COL4A3: variants seen among roughly 807,000 people sequenced by gnomAD.
COL4A3 encodes collagen alpha-3(IV) chain.
A neutral mutation model predicts 217.4 loss-of-function variants in COL4A3; 135 were observed. The observed-to-expected ratio is 0.62, with a 90% confidence interval of 0.54 to 0.72. The LOEUF (loss-of-function observed/expected upper bound fraction) is 0.72, where lower values mean the gene tolerates loss of function less well. Among genes scored for constraint, COL4A3 ranks in the 30% least tolerant of loss-of-function variants. The pLI is 0.00. For synonymous variants in COL4A3, 690 were observed against 736.3 expected, an observed-to-expected ratio of 0.94 and a Z score of 1.02; for missense variants, 1,868 against 2,119.9, an observed-to-expected ratio of 0.88 and a Z score of 2.33.
At chr2:227,230,906 T>G (rs1481518990) in intron 1 of COL4A3, among the ~76,000 whole-genome samples, 1 of 152,152 alleles carries the variant, frequency 6.6e-6, no homozygotes, top group Non-Finnish European at 1.5e-5. Flanking sequence ...TGACTATAAT[T>G]TTGAGTTCAC....
rs1426893436 is a variant in COL4A3, at chr2:227,194,846, T to G, written c.87+30033T>G. On this transcript the variant is annotated intron_variant, in intron 1 of 51. Coordinates refer to ENST00000396578, the MANE Select transcript of COL4A3 (RefSeq NM_000091.5). ...AATCAAAGAAAAATAGAAACACCACTGATACACAAAATGAGAATATAGAAG... is the reference window on the plus strand; with the variant it reads ...AATCAAAGAAAAATAGAAACACCACGGATACACAAAATGAGAATATAGAAG... Among the ~76,000 whole-genome samples the G allele has an allele frequency of 1.2e-4, 18 of 152,076 alleles. 1 individual carries two copies. The South Asian group carries it at 3.7e-3, about 32-fold the overall frequency.
At chr2:227,299,524 T>C (rs1054556532) in intron 43 of COL4A3, among the ~76,000 whole-genome samples, 162 of 152,256 alleles carry the variant, frequency 1.1e-3, no homozygotes, top group African/African-American at 3.9e-3. Flanking sequence ...GTGGGGATTA[T>C]AGGAACTACA....
intron 28 of COL4A3, among the ~76,000 whole-genome samples, chr2:227,277,861 G>A (rs920226513): frequency 2.6e-5 from 4 of 151,964 alleles, no homozygotes; most frequent in Admixed American, 6.6e-5. Context: ...TTAGCCGGGT[G>A]TGGTGGCATG....
chr2:227,240,069 T>C (rs2068932788), intron 2 of COL4A3, 74 bp from the exon 3 acceptor site: 2 of 1,196,712 alleles, frequency 1.7e-6, no homozygotes, highest in Non-Finnish European at 2.4e-6. Flanking sequence ...CAAGAGAACA[T>C]AATGGTTATT....
chr2:227,254,083 G>C, intron 13 of COL4A3, 29 bp from the exon 14 acceptor site: 1 of 1,598,974 alleles, frequency 6.3e-7, no homozygotes, highest in East Asian at 2.2e-5. Context: ...TCATCCATTT[G>C]TAACAATGTT....
intron 34 of COL4A3, 60 bp from the exon 35 acceptor site, chr2:227,289,090 A>T: frequency 7.6e-7 from 1 of 1,323,002 alleles, no homozygotes; most frequent in Non-Finnish European, 1.1e-6. Context: ...AGCTGGGATT[A>T]CAGGCACCTG....
At chr2:227,308,678 G>A (rs192644136) in intron 48 of COL4A3, among the ~76,000 whole-genome samples, 3 of 152,304 alleles carry the variant, frequency 2.0e-5, no homozygotes, top group Admixed American at 6.5e-5. Flanking sequence ...AAGAGCCACC[G>A]GAAGTATTAA....
At chr2:227,279,056 G>C (rs562966963) in intron 28 of COL4A3, among the ~76,000 whole-genome samples, 1 of 151,132 alleles carries the variant, frequency 6.6e-6, no homozygotes, top group African/African-American at 2.4e-5. Context: ...AAGGCTACCT[G>C]GGGTGCTGAA....
Position 227,238,205 on chromosome 2 carries a change from G to T in COL4A3, c.144+181G>T, listed in dbSNP as rs11901256. 0.3 allele frequency: 146,006 copies of T among 483,624 alleles called. 24,707 individuals are homozygous for T. The highest frequency in any genetic ancestry group is 0.35 in the Non-Finnish European group (93,212 of 265,392). 30.0% of individuals were successfully genotyped at this position (483,624 alleles called of 1,614,324 possible). On this transcript the variant is annotated intron_variant, in intron 2 of 51. Transcript: ENST00000396578. Reference sequence around the variant, plus strand: ...AAAAAAAAAAGAAAAAAGTCATCTAGGAAGCTTCAGATACCTTGTATATAC... The same window carrying T: ...AAAAAAAAAAGAAAAAAGTCATCTATGAAGCTTCAGATACCTTGTATATAC...
At chr2:227,213,819 G>A (rs28528148) in intron 1 of COL4A3, among the ~76,000 whole-genome samples, 11,374 of 147,790 alleles carry the variant, frequency 0.077, 644 homozygotes, top group Admixed American at 0.13. Context: ...GGAGAATGGC[G>A]TGAACCCAGA....
chr2:227,204,247 T>A (rs981623350), intron 1 of COL4A3, among the ~76,000 whole-genome samples: 8 of 152,180 alleles, frequency 5.3e-5, no homozygotes, highest in African/African-American at 1.9e-4. Context: ...TTAAATAAGT[T>A]ATTAGAAATA....
chr2:227,244,869 G>A, intron 4 of COL4A3, 82 bp from the exon 5 acceptor site: 4 of 1,382,530 alleles, frequency 2.9e-6, no homozygotes, highest in Non-Finnish European at 4.1e-6. Context: ...TTATCGCAAT[G>A]GTAAATAAAT....
chr2:227,289,312 A>G, intron 35 of COL4A3, 64 bp downstream of exon 35: 1 of 1,373,920 alleles, frequency 7.3e-7, no homozygotes, highest in Non-Finnish European at 1.0e-6. Context: ...AAAGTAATAA[A>G]AGTTGTTTCT....
intron 15 of COL4A3, 112 bp from the exon 16 acceptor site, chr2:227,255,914 G>A (rs1403753621): frequency 6.6e-6 from 7 of 1,064,370 alleles, no homozygotes; most frequent in Non-Finnish European, 1.0e-5. Flanking sequence ...TCTTTACTCA[G>A]GCTTTTCATG....
chr2:227,303,720 T>C, intron 44 of COL4A3, 139 bp from the exon 45 acceptor site: 2 of 812,348 alleles, frequency 2.5e-6, no homozygotes, highest in Non-Finnish European at 4.2e-6. Flanking sequence ...AATGAAATTG[T>C]AGCCCTTGTG....
rs2066835006 is a variant in COL4A3, at chr2:227,203,041, ATG to A, written c.88-34923_88-34922del. Among the ~76,000 whole-genome samples, 2 of 61,844 alleles carry A rather than the reference ATG, an allele frequency of 3.2e-5. 1 individual carries two copies. Among genetic ancestry groups the A allele is most frequent in the Non-Finnish European group, 6.1e-5 (2 of 32,886 alleles). 40.6% of individuals were successfully genotyped at this position (61,844 alleles called of 152,430 possible). A position where few individuals can be genotyped will look rare whatever the true frequency, so the allele number is the denominator to read the frequency against. ...TGTATATATGTGTATATATACATAT[ATG>A]TGTATATATGTGTATATATACATAT... On this transcript the variant is annotated intron_variant, in intron 1 of 51. Transcript: ENST00000396578.
At chr2:227,311,380 C>CTTTTTTTTTTTTTTTTTTTT (rs11286889) in intron 51 of COL4A3, among the ~76,000 whole-genome samples, 2 of 141,742 alleles carry the variant, frequency 1.4e-5, no homozygotes. Context: ...AATTTCTCTC[C>CTTTTTTTTTTTTTTTTTTTT]TTTTTTTTTT....
rs1224827362 is a variant in COL4A3, at chr2:227,202,742, AAAAAATATATAT to A, written c.88-35224_88-35213del. Among the ~76,000 whole-genome samples the A allele has an allele frequency of 8.5e-4, 77 of 90,196 alleles. 3 individuals are homozygous for A. The highest frequency in any genetic ancestry group is 2.1e-3 in the South Asian group (6 of 2,834). 59.2% of individuals were successfully genotyped at this position (90,196 alleles called of 152,430 possible). A position where few individuals can be genotyped will look rare whatever the true frequency, so the allele number is the denominator to read the frequency against. ...AGTGCGAGAATCCGTCTCTAAAAAA[AAAAAATATATAT>A]ATATATATATATATATATCACATAT... On this transcript the variant is annotated intron_variant, in intron 1 of 51. Coordinates refer to ENST00000396578, the MANE Select transcript of COL4A3 (RefSeq NM_000091.5).
Position 227,197,199 on chromosome 2 carries a change from T to TTTTTG in COL4A3, c.87+32405_87+32409dup, listed in dbSNP as rs558116162. ...AAATTACCCAGTTTTGGGTACGGTT[T>TTTTTG]TTTTGTTTTGTTTTGTTTTGTTTGT... On this transcript the variant is annotated intron_variant, in intron 1 of 51. Coordinates refer to ENST00000396578, the MANE Select transcript of COL4A3 (RefSeq NM_000091.5). 5.9e-3 allele frequency among the ~76,000 whole-genome samples: 892 copies of TTTTTG among 152,084 alleles called. 8 individuals are homozygous for TTTTTG. The highest frequency in any genetic ancestry group is 0.02 in the African/African-American group (840 of 41,362).
Sources: gnomAD v4.1 joint callset for allele counts (sites outside exome capture counted in the v4.1 genomes callset) on GRCh38, gnomAD v4.1.1 for gene constraint, MANE v1.5 for transcripts, NCBI Gene and HGNC (gene_info 2026-07-23, HGNC 2026-07-21) for gene names.